Variants in ZC3H12B observed in about 807,000 individuals in gnomAD.
The protein encoded by ZC3H12B is probable ribonuclease ZC3H12B.
In ZC3H12B, 7 loss-of-function variants were observed where a neutral mutation model predicts 43.9. That is an observed-to-expected ratio of 0.16 (90% CI 0.09 to 0.30). ZC3H12B has a LOEUF of 0.30. Among genes scored for constraint, ZC3H12B ranks in the 10% least tolerant of loss-of-function variants. ZC3H12B has a pLI of 1.00. For missense variants in ZC3H12B, 475 were observed against 670.2 expected (o/e 0.71, Z 3.22); for synonymous variants, 222 against 241.7 (o/e 0.92, Z 0.76).
At chrX:65,182,040 G>C in the ZC3H12B span, among the ~76,000 whole-genome samples, 2 of 111,784 alleles carry the variant, frequency 1.8e-5, no homozygotes, top group East Asian at 5.6e-4. Context: ...AAGAAAATGT[G>C]GCACATGTAA....
intron 3 of ZC3H12B, among the ~76,000 whole-genome samples, chrX:65,463,304 G>A (rs1051035968): frequency 8.9e-6 from 1 of 111,752 alleles, no homozygotes; most frequent in Non-Finnish European, 1.9e-5. Flanking sequence ...ATTTTTATGG[G>A]AATTGCATTG....
upstream of ZC3H12B, among the ~76,000 whole-genome samples, chrX:65,487,256 T>A (rs1340016709): frequency 1.8e-5 from 2 of 112,758 alleles, no homozygotes; most frequent in Non-Finnish European, 3.8e-5. Flanking sequence ...GAAACAGAAT[T>A]GAGGCAGGGT....
At chrX:65,085,167 TAGAA>T in the ZC3H12B span, among the ~76,000 whole-genome samples, 1 of 110,920 alleles carries the variant, frequency 9.0e-6, no homozygotes, top group Non-Finnish European at 1.9e-5. Context: ...AAAAAATAGT[TAGAA>T]AGAATGAATA....
At chrX:65,061,824 A>C in the ZC3H12B span, among the ~76,000 whole-genome samples, 3 of 112,050 alleles carry the variant, frequency 2.7e-5, no homozygotes, top group Non-Finnish European at 3.8e-5. Context: ...CATTTCCAGA[A>C]TCTGTTGTTT....
At chrX:65,162,262 G>T in the ZC3H12B span, among the ~76,000 whole-genome samples, 4 of 110,633 alleles carry the variant, frequency 3.6e-5, no homozygotes, top group Non-Finnish European at 7.6e-5. Flanking sequence ...TGCTCTTCTC[G>T]AGGAGTATTT....
At chrX:65,384,603 T>TA (rs759675174) in intron 2 of ZC3H12B, among the ~76,000 whole-genome samples, 10 of 111,182 alleles carry the variant, frequency 9.0e-5, no homozygotes, top group South Asian at 3.8e-4. Context: ...TGCTATAGTT[T>TA]AAAAAAAATG....
chrX:65,126,456 TG>T, the ZC3H12B span, among the ~76,000 whole-genome samples: 4 of 111,488 alleles, frequency 3.6e-5, no homozygotes, highest in Admixed American at 1.9e-4. Flanking sequence ...ACCTGATGTC[TG>T]TGTGCCTAGG....
At chrX:65,486,890 C>T (rs1282375031), upstream of ZC3H12B, among the ~76,000 whole-genome samples, 1 of 112,451 alleles carries the variant, frequency 8.9e-6, no homozygotes, top group Non-Finnish European at 1.9e-5. Flanking sequence ...AGAAAATATA[C>T]ATTTAATCTT....
the ZC3H12B span, among the ~76,000 whole-genome samples, chrX:65,125,814 C>A: frequency 9.0e-6 from 1 of 110,880 alleles, no homozygotes; most frequent in Non-Finnish European, 1.9e-5. Flanking sequence ...TGTCCATTTG[C>A]GTGGAATATC....
chrX:65,199,019 G>A, the ZC3H12B span, among the ~76,000 whole-genome samples: 1 of 109,865 alleles, frequency 9.1e-6, no homozygotes, highest in South Asian at 3.9e-4. Context: ...TAGTAGAGAT[G>A]CGGTTTGGCC....
At chrX:65,212,430 ATTATATAT>A in the ZC3H12B span, among the ~76,000 whole-genome samples, 3 of 52,295 alleles carry the variant, frequency 5.7e-5, no homozygotes, top group South Asian at 1.1e-3. Context: ...TAATATAATT[ATTATATAT>A]TATATTATAT....
chrX:65,132,035 G>C, the ZC3H12B span, among the ~76,000 whole-genome samples: 2 of 111,909 alleles, frequency 1.8e-5, no homozygotes, highest in Admixed American at 9.4e-5. Context: ...GTACAGCCCA[G>C]GTAAGCTGCT....
At chrX:65,159,016 T>G in the ZC3H12B span, among the ~76,000 whole-genome samples, 2 of 111,942 alleles carry the variant, frequency 1.8e-5, no homozygotes, top group African/African-American at 6.5e-5. Flanking sequence ...CCAGCACCAT[T>G]TATTAAATAG....
chrX:65,151,848 C>G, the ZC3H12B span, among the ~76,000 whole-genome samples: 1 of 111,635 alleles, frequency 9.0e-6, no homozygotes, highest in Non-Finnish European at 1.9e-5. Context: ...TACTGGCAAA[C>G]TGAATTCAAC....
At chrX:65,117,658 T>C in the ZC3H12B span, among the ~76,000 whole-genome samples, 2 of 111,880 alleles carry the variant, frequency 1.8e-5, no homozygotes, top group Non-Finnish European at 3.8e-5. Context: ...CTGAATGGTA[T>C]TGCCTAGGTT....
the ZC3H12B span, among the ~76,000 whole-genome samples, chrX:65,358,979 A>G: frequency 1.8e-5 from 2 of 111,696 alleles, no homozygotes; most frequent in African/African-American, 6.5e-5. Flanking sequence ...GGTGACTTTA[A>G]TTTGAAGCCA....
chrX:65,113,985 G>GTGTATATA, the ZC3H12B span, among the ~76,000 whole-genome samples: 41 of 47,481 alleles, frequency 8.6e-4, 1 homozygote, highest in African/African-American at 2.0e-3. Flanking sequence ...AGATATGCTT[G>GTGTATATA]TATATATATA....
the ZC3H12B span, among the ~76,000 whole-genome samples, chrX:65,141,686 T>G: frequency 9.0e-6 from 1 of 110,518 alleles, no homozygotes; most frequent in Non-Finnish European, 1.9e-5. Flanking sequence ...TTCCCCTAAG[T>G]CCCCAACATC....
At chrX:65,286,003 G>A in the ZC3H12B span, among the ~76,000 whole-genome samples, 2 of 111,739 alleles carry the variant, frequency 1.8e-5, no homozygotes, top group East Asian at 5.6e-4. Flanking sequence ...AAGCAGTTTG[G>A]AGATTCCTCA....
Sources: gnomAD v4.1 joint callset for allele counts (sites outside exome capture counted in the v4.1 genomes callset) on GRCh38, gnomAD v4.1.1 for gene constraint, MANE v1.5 for transcripts, NCBI Gene and HGNC (gene_info 2026-07-23, HGNC 2026-07-21) for gene names.